Variants in NAV2 observed in about 807,000 individuals in gnomAD.
The protein encoded by NAV2 is helicase, APC down-regulated 1.
Under a neutral mutation model 223.2 loss-of-function variants are expected in NAV2, and 54 were observed. The observed-to-expected ratio is 0.24, with a 90% CI of 0.19 to 0.30. The LOEUF (loss-of-function observed/expected upper bound fraction) is 0.30. NAV2 is among the 10% of genes least tolerant of loss of function. NAV2 has a pLI of 1.00. For missense variants in NAV2, 2,806 were observed against 3,147.5 expected, an observed-to-expected ratio of 0.89 and a Z score of 2.60; for synonymous variants, 1,279 against 1,239.3, an observed-to-expected ratio of 1.03 and a Z score of -0.67.
chr11:19,601,961 C>T (rs1360283550), intron 1 of NAV2, among the ~76,000 whole-genome samples: 5 of 152,300 alleles, frequency 3.3e-5, no homozygotes, highest in African/African-American at 9.6e-5. Context: ...CCTACACTGC[C>T]CAGCTCTGAG....
In NAV2 at chr11:20,103,357, A is replaced by T; in HGVS notation, c.6520A>T (p.Ser2174Cys). ...CATCCTGGACAACCTACACCACGTG[A>T]GCTCTCTGGGAGAGATCTTCAATGG... ...VIILDNLHHV[S>C]SLGEIFNGLL... The change falls in exon 33 of 38, where the codon AGC (serine) becomes TGC (cysteine). Residue 2174 changes from serine (S) to cysteine (C), a missense_variant. Coordinates refer to ENST00000349880, the MANE Select transcript of NAV2 (RefSeq NM_145117.5). 6.2e-7 allele frequency: 1 copy of T among 1,614,158 alleles called. No individual in the cohort carries two copies. Among genetic ancestry groups the T allele is most frequent in the South Asian group, 1.1e-5 (1 of 91,068 alleles).
chr11:19,640,091 A>G (rs1020827463), intron 1 of NAV2, among the ~76,000 whole-genome samples: 3 of 152,268 alleles, frequency 2.0e-5, no homozygotes, highest in African/African-American at 7.2e-5. Flanking sequence ...ATTCAAAAAC[A>G]GCCATTTGGG....
chr11:19,747,803 A>G (rs1434738487), intron 1 of NAV2, among the ~76,000 whole-genome samples: 1 of 152,174 alleles, frequency 6.6e-6, no homozygotes, highest in African/African-American at 2.4e-5. Flanking sequence ...CTTGGCAGTT[A>G]TTTCCCTTCC....
At chr11:19,445,818 C>T (rs1851563209) in intron 1 of NAV2, among the ~76,000 whole-genome samples, 1 of 150,864 alleles carries the variant, frequency 6.6e-6, no homozygotes, top group Non-Finnish European at 1.5e-5. Flanking sequence ...GTGCCAGGTA[C>T]CATATTAGGC....
chr11:19,439,355 C>T (rs770104950), intron 1 of NAV2, among the ~76,000 whole-genome samples: 1 of 152,062 alleles, frequency 6.6e-6, no homozygotes, highest in Non-Finnish European at 1.5e-5. Context: ...CTAATAGGTA[C>T]TAGGCTTAAT....
intron 1 of NAV2, among the ~76,000 whole-genome samples, chr11:19,569,273 A>G (rs1246636372): frequency 1.3e-5 from 2 of 152,276 alleles, no homozygotes; most frequent in South Asian, 2.1e-4. Context: ...TTGTCAATGC[A>G]TTAATGTCTT....
At chr11:19,745,655 G>T (rs2053273367) in intron 1 of NAV2, among the ~76,000 whole-genome samples, 1 of 152,188 alleles carries the variant, frequency 6.6e-6, no homozygotes, top group East Asian at 1.9e-4. Flanking sequence ...CAGAGATGCA[G>T]GATATGGTTT....
chr11:19,944,963 G>A (rs912350096), intron 8 of NAV2, among the ~76,000 whole-genome samples: 47 of 106,304 alleles, frequency 4.4e-4, no homozygotes, highest in African/African-American at 8.9e-4. Context: ...TTTCCTTTCC[G>A]TTCCGTTCCT....
chr11:19,671,802 A>G (rs1466161645), intron 1 of NAV2, among the ~76,000 whole-genome samples: 1 of 152,236 alleles, frequency 6.6e-6, no homozygotes, highest in Non-Finnish European at 1.5e-5. Context: ...AAAACAGGCC[A>G]AGGGCCAGAT....
chr11:20,022,313 T>A (rs2054575651), intron 11 of NAV2, among the ~76,000 whole-genome samples: 1 of 152,174 alleles, frequency 6.6e-6, no homozygotes, highest in Admixed American at 6.5e-5. Flanking sequence ...CCCCTTCCCA[T>A]CCCAGAGCTG....
upstream of NAV2, among the ~76,000 whole-genome samples, chr11:19,709,625 T>C (rs1292464606): frequency 6.7e-6 from 1 of 149,714 alleles, no homozygotes; most frequent in Non-Finnish European, 1.5e-5. Flanking sequence ...ACTTGAGGTC[T>C]GGAGTTCCAG....
intron 6 of NAV2, among the ~76,000 whole-genome samples, chr11:19,894,147 C>T (rs923270726): frequency 1.3e-5 from 2 of 152,056 alleles, no homozygotes; most frequent in African/African-American, 2.4e-5. Context: ...CCCTATTTTA[C>T]GAAAGATGAA....
At position 20,021,050 on chromosome 11, in the gene NAV2, C is replaced by T. The variant is rs565675349; in HGVS notation, c.2769-14909C>T. Among the ~76,000 whole-genome samples the T allele has an allele frequency of 7.7e-4, 117 of 152,334 alleles. 1 individual carries two copies. The highest frequency in any genetic ancestry group is 2.7e-3 in the African/African-American group (114 of 41,580). ...TTTTAGATTTGTAATAAAAACCATG[C>T]CCTCAGCAGACCTGCCATAGCCAGC... On this transcript the variant is annotated intron_variant, in intron 11 of 37. Coordinates refer to ENST00000349880, the MANE Select transcript of NAV2 (RefSeq NM_145117.5).
At chr11:19,949,212 A>C in intron 10 of NAV2, 132 bp downstream of exon 10, 6 of 999,104 alleles carry the variant, frequency 6.0e-6, no homozygotes, top group Non-Finnish European at 5.7e-6. Context: ...GTCCATATCA[A>C]AGGCTGTGTG....
At chr11:19,409,843 T>G (rs1032033189) in intron 1 of NAV2, among the ~76,000 whole-genome samples, 4 of 152,140 alleles carry the variant, frequency 2.6e-5, no homozygotes, top group African/African-American at 9.7e-5. Flanking sequence ...TGAACCCAGG[T>G]CTTGTTTGAC....
intron 2 of NAV2, among the ~76,000 whole-genome samples, chr11:19,835,537 G>C (rs182757271): frequency 4.5e-4 from 68 of 152,106 alleles, no homozygotes; most frequent in Non-Finnish European, 7.2e-4. Context: ...TTGGTGAGAG[G>C]GGGGAGAAGC....
intron 11 of NAV2, among the ~76,000 whole-genome samples, chr11:19,993,675 G>A (rs554779509): frequency 6.6e-6 from 1 of 152,138 alleles, no homozygotes; most frequent in Non-Finnish European, 1.5e-5. Flanking sequence ...CACCCAGTCT[G>A]ATCACATGGC....
chr11:19,618,027 C>T (rs1351947093), intron 1 of NAV2, among the ~76,000 whole-genome samples: 1 of 152,182 alleles, frequency 6.6e-6, no homozygotes, highest in Non-Finnish European at 1.5e-5. Flanking sequence ...CGCTATTTTT[C>T]CCTTAGTCAT....
At chr11:20,077,775 C>G in intron 23 of NAV2, 140 bp downstream of exon 23, 1 of 747,124 alleles carries the variant, frequency 1.3e-6, no homozygotes, top group Non-Finnish European at 2.3e-6. Context: ...GGAGTCCAAT[C>G]TGTTGAGTGA....
Sources: gnomAD v4.1 joint callset for allele counts (sites outside exome capture counted in the v4.1 genomes callset) on GRCh38, gnomAD v4.1.1 for gene constraint, MANE v1.5 for transcripts, NCBI Gene and HGNC (gene_info 2026-07-23, HGNC 2026-07-21) for gene names.